Variants in ALK observed in about 807,000 individuals in gnomAD.
ALK encodes ALK receptor tyrosine kinase.
A neutral mutation model predicts 163.1 loss-of-function variants in ALK; 74 were observed. The observed-to-expected ratio is 0.45, with a 90% CI of 0.38 to 0.55. ALK has a LOEUF of 0.55. Ranked by LOEUF, ALK falls within the 20% of genes least tolerant of loss-of-function variation. The pLI is 0.00. For synonymous variants in ALK, 960 were observed against 843.2 expected (o/e 1.14, Z -2.40); for missense variants, 2,063 against 2,105.3 (o/e 0.98, Z 0.39).
chr2:29,862,824 GA>G (rs58724138), intron 1 of ALK, among the ~76,000 whole-genome samples: 16 of 145,984 alleles, frequency 1.1e-4, no homozygotes, highest in South Asian at 2.2e-4. Context: ...GCAATCTTGA[GA>G]AAAAAAAAAA....
intron 3 of ALK, among the ~76,000 whole-genome samples, chr2:29,644,567 GT>G (rs199673150): frequency 0.025 from 1,836 of 72,694 alleles, 19 homozygotes; most frequent in Non-Finnish European, 0.038. Context: ...TCAAATTAAG[GT>G]TTTTTTTTCC....
intron 23 of ALK, among the ~76,000 whole-genome samples, chr2:29,216,263 T>TA (rs1669603177): frequency 6.6e-6 from 1 of 152,174 alleles, no homozygotes; most frequent in South Asian, 2.1e-4. Context: ...ATGGTGGGTT[T>TA]GCAGGATGGA....
At chr2:29,226,893 C>G (rs752526246) in intron 18 of ALK, 29 bp downstream of exon 18, 1 of 1,613,702 alleles carries the variant, frequency 6.2e-7, no homozygotes, top group Non-Finnish European at 8.5e-7. Context: ...CTATGGGCCC[C>G]TCTGCCTCCC....
At chr2:29,906,434 T>G (rs1667551074) in intron 1 of ALK, among the ~76,000 whole-genome samples, 1 of 151,936 alleles carries the variant, frequency 6.6e-6, no homozygotes, top group Non-Finnish European at 1.5e-5. Flanking sequence ...AGAAAAGGGA[T>G]AGGAGAGAAA....
Position 29,474,843 on chromosome 2 carries a change from A to T in ALK, c.1154+57072T>A, listed in dbSNP as rs149576131. ...GGTGGAGCAAGGGGTGGTTCATCAG[A>T]TCAAGTTGAAAAGCCAAGATAGAAG... On this transcript the variant is annotated intron_variant, in intron 4 of 28. Coordinates refer to ENST00000389048, the MANE Select transcript of ALK (RefSeq NM_004304.5). Among the ~76,000 whole-genome samples, 308 of 152,292 alleles carry T rather than the reference A, an allele frequency of 2.0e-3. 2 individuals carry two copies. The highest frequency in any genetic ancestry group is 6.2e-3 in the African/African-American group (258 of 41,564).
chr2:29,351,386 G>A (rs565600745), intron 5 of ALK, among the ~76,000 whole-genome samples: 2 of 152,236 alleles, frequency 1.3e-5, no homozygotes, highest in South Asian at 2.1e-4. Context: ...GGGATCACCC[G>A]ATAATGACAC....
intron 4 of ALK, among the ~76,000 whole-genome samples, chr2:29,447,755 T>C (rs187571337): frequency 2.9e-3 from 436 of 152,350 alleles, no homozygotes; most frequent in African/African-American, 0.01. Context: ...CTCCTGGCTT[T>C]GTTTCCTAAC....
In ALK at chr2:29,636,754, A is replaced by T. The variant is rs185252508; in HGVS notation, c.952+58096T>A. Reference sequence around the variant, plus strand: ...AAAAACCTCAAAATTCAACAATTAAAAATATTCAAATTAGAAAACAGGCAA... The same window carrying T: ...AAAAACCTCAAAATTCAACAATTAATAATATTCAAATTAGAAAACAGGCAA... On this transcript the variant is annotated intron_variant, in intron 3 of 28. Coordinates refer to ENST00000389048, the MANE Select transcript of ALK (RefSeq NM_004304.5). Among the ~76,000 whole-genome samples, 13 of 152,354 alleles carry T rather than the reference A, an allele frequency of 8.5e-5. 1 individual carries two copies. The East Asian group carries it at 1.9e-3, about 23-fold the overall frequency.
rs114717537 is a variant in ALK at position 29,549,917 on chromosome 2, A to C, written c.953-17801T>G. Among the ~76,000 whole-genome samples, 1,477 of 152,278 alleles carry C rather than the reference A, an allele frequency of 9.7e-3. 19 individuals are homozygous for C. Among genetic ancestry groups the C allele is most frequent in the African/African-American group, 0.034 (1,398 of 41,564 alleles). On this transcript the variant is annotated intron_variant, in intron 3 of 28. Coordinates refer to ENST00000389048, the MANE Select transcript of ALK (RefSeq NM_004304.5). Reference sequence around the variant, plus strand: ...AAATCCAAAAGGACATTTTTGGCTCATATTGTATTTCTATTAGCACTACTT... The same window carrying C: ...AAATCCAAAAGGACATTTTTGGCTCCTATTGTATTTCTATTAGCACTACTT...
intron 5 of ALK, among the ~76,000 whole-genome samples, chr2:29,382,550 A>T (rs1558300203): frequency 6.6e-6 from 1 of 152,156 alleles, no homozygotes; most frequent in Non-Finnish European, 1.5e-5. Context: ...CTGGGAATTG[A>T]TACTTTCTCC....
Position 29,226,987 on chromosome 2 carries a change from C to T in ALK, c.3002G>A (p.Ser1001Asn), listed in dbSNP as rs997289275. 1.2e-6 allele frequency: 2 copies of T among 1,614,082 alleles called. No individual in the cohort carries two copies. The highest frequency in any genetic ancestry group is 1.3e-5 in the African/African-American group (1 of 74,924). ...GTCACAGAAGCAGATGACCTTGTGG[C>T]TTTCAGGGTCCATGTGACATTCGTC... is the stretch of plus-strand genomic sequence containing the variant. ...EVDECHMDPE[S>N]HKVICFCDHG... The change falls in exon 18 of 29, where the codon AGC becomes AAC. Residue 1001 changes from serine (S) to asparagine (N), a missense_variant. Ser to Asn is a conservative substitution (Grantham distance 46). Coordinates refer to ENST00000389048, the MANE Select transcript of ALK (RefSeq NM_004304.5).
At chr2:29,830,713 TAAAAAAAAAAAAAA>T (rs530774574) in intron 1 of ALK, among the ~76,000 whole-genome samples, 95 of 29,002 alleles carry the variant, frequency 3.3e-3, no homozygotes, top group Middle Eastern at 0.016. Context: ...TAAAATAGTT[TAAAAAAAAAAAAAA>T]AAAAAAAAAA....
chr2:29,777,683 T>G (rs1320882108), intron 1 of ALK, among the ~76,000 whole-genome samples: 1 of 152,188 alleles, frequency 6.6e-6, no homozygotes, highest in East Asian at 1.9e-4. Context: ...TACCTACAGA[T>G]CACCTGAGAA....
intron 3 of ALK, among the ~76,000 whole-genome samples, chr2:29,574,046 A>G (rs2148192424): frequency 8.0e-6 from 1 of 124,748 alleles, no homozygotes; most frequent in South Asian, 3.1e-4. Context: ...CTTGGCCAGA[A>G]CCCCCTATCT....
chr2:29,877,260 C>T (rs1418744424), intron 1 of ALK, among the ~76,000 whole-genome samples: 3 of 152,118 alleles, frequency 2.0e-5, no homozygotes, highest in Admixed American at 6.5e-5. Context: ...GTTTCCTCTG[C>T]CTTAAGTGCT....
chr2:29,487,454 C>G (rs1388848750), intron 4 of ALK, among the ~76,000 whole-genome samples: 2 of 152,118 alleles, frequency 1.3e-5, no homozygotes, highest in African/African-American at 2.4e-5. Context: ...AAAGGTGGTC[C>G]AACTTTGATA....
intron 1 of ALK, among the ~76,000 whole-genome samples, chr2:29,857,063 G>A (rs1211399774): frequency 6.6e-6 from 1 of 152,194 alleles, no homozygotes; most frequent in East Asian, 1.9e-4. Context: ...CGGAGGAGGC[G>A]AATGTGCATG....
At chr2:29,526,420 A>G (rs1672961832) in intron 4 of ALK, among the ~76,000 whole-genome samples, 1 of 152,192 alleles carries the variant, frequency 6.6e-6, no homozygotes, top group Non-Finnish European at 1.5e-5. Flanking sequence ...TCCCCCTGAC[A>G]AGCCTGGGTG....
chr2:29,370,183 C>T (rs950786211), intron 5 of ALK, among the ~76,000 whole-genome samples: 2 of 152,052 alleles, frequency 1.3e-5, no homozygotes, highest in Non-Finnish European at 2.9e-5. Context: ...AATTTTGCAC[C>T]CCACCTTCAT....
Sources: allele counts gnomAD v4.1 joint callset (sites outside exome capture counted in the v4.1 genomes callset), GRCh38; gene constraint gnomAD v4.1.1; transcripts MANE v1.5; gene names NCBI Gene and HGNC (gene_info 2026-07-23, HGNC 2026-07-21).